Variants in ANKRD13D observed in about 807,000 individuals in gnomAD.
The protein encoded by ANKRD13D is ankyrin repeat domain 13D, also known as ankyrin repeat domain-containing protein 13D.
ANKRD13D carries 24 observed loss-of-function variants against 68.8 expected under a neutral mutation model. The observed-to-expected ratio is 0.35, with a 90% CI of 0.25 to 0.49. The LOEUF (loss-of-function observed/expected upper bound fraction) is 0.49, where lower values mean the gene tolerates loss of function less well. ANKRD13D is among the 20% of genes least tolerant of loss of function. The pLI is 0.99. For synonymous variants in ANKRD13D, 331 were observed against 336.1 expected (o/e 0.98, Z 0.16); for missense variants, 735 against 832.1 (o/e 0.88, Z 1.44).
In ANKRD13D at chr11:67,299,654, G is replaced by A. The variant is rs776731376; in HGVS notation, c.880+43G>A. ...TGCCTGCTGCCCGGTCACACCGTGT[G>A]GTGGGGTCACCCTGGCCTGGGATTA... On this transcript the variant is annotated intron_variant, in intron 8 of 14. Coordinates refer to ENST00000511455, the MANE Select transcript of ANKRD13D (RefSeq NM_207354.3). The surrounding 1 kb of genome is among the most constrained non-coding windows in gnomAD (Gnocchi z 6.2). 3.2e-6 allele frequency: 5 copies of A among 1,547,550 alleles called. No homozygotes were observed.
In ANKRD13D at chr11:67,302,453, A is replaced by C; in HGVS notation, c.*121A>C. 1 of 1,358,752 alleles carries C rather than the reference A, an allele frequency of 7.4e-7. No homozygotes were observed. Among genetic ancestry groups the C allele is most frequent in the African/African-American group, 1.5e-5 (1 of 67,948 alleles). The allele number at this position is 1,358,752 out of a possible 1,614,324, so 84.2% of individuals were successfully genotyped here. ...CCCCAGGAATGAGCAGGCAGGGGAGACTGAGATGGAAATAAAGAGACTGTC... is the reference window on the plus strand; with the variant it reads ...CCCCAGGAATGAGCAGGCAGGGGAGCCTGAGATGGAAATAAAGAGACTGTC... On this transcript the variant is annotated 3_prime_UTR_variant, in exon 15 of 15. Coordinates refer to ENST00000511455, the MANE Select transcript of ANKRD13D (RefSeq NM_207354.3).
chr11:67,300,216 CG>C lies in ANKRD13D; in HGVS notation c.1073+95del. On this transcript the variant is annotated intron_variant, in intron 10 of 14. Transcript: ENST00000511455. This position sits in a 1 kb window ranked among gnomAD's most constrained non-coding sequence, Gnocchi z 4.3. Reference sequence around the variant, plus strand: ...TGTCATAGTTAGGGACCCACTCCCTCGGCTGGCTTCTCTCTGGACTCCACTC... The same window carrying C: ...TGTCATAGTTAGGGACCCACTCCCTCGCTGGCTTCTCTCTGGACTCCACTC... 6.5e-7 allele frequency: 1 copy of C among 1,544,076 alleles called. No individual in the cohort carries two copies. Among genetic ancestry groups the C allele is most frequent in the Non-Finnish European group, 8.8e-7 (1 of 1,136,590 alleles).
At chr11:67,298,045 A>G (rs1590871540) in intron 6 of ANKRD13D, 1 of 127,968 alleles carries the variant, frequency 7.8e-6, no homozygotes. Flanking sequence ...TTTCAATTTT[A>G]TTGAGGTTTT....
In ANKRD13D at chr11:67,301,930, C is replaced by T; in HGVS notation, c.1604+107C>T. On this transcript the variant is annotated intron_variant, in intron 14 of 14. Coordinates refer to ENST00000511455, the MANE Select transcript of ANKRD13D (RefSeq NM_207354.3). The surrounding 1 kb of genome is among the most constrained non-coding windows in gnomAD (Gnocchi z 4.5). Reference sequence around the variant, plus strand: ...GACCCCAGGCCCTCTGCAAGGCCACCCTCTGTCAGCAGCGCTATCTGCCAC... The same window carrying T: ...GACCCCAGGCCCTCTGCAAGGCCACTCTCTGTCAGCAGCGCTATCTGCCAC... 1 of 1,367,030 alleles carries T rather than the reference C, an allele frequency of 7.3e-7. No individual in the cohort carries two copies. The allele number at this position is 1,367,030 out of a possible 1,614,324, so 84.7% of individuals were successfully genotyped here.
rs1361255103 is a variant in ANKRD13D at position 67,300,777 on chromosome 11, G to A, written c.1074-213G>A. The A allele has an allele frequency of 3.3e-6, 2 of 606,668 alleles. No homozygotes were observed. Among genetic ancestry groups the A allele is most frequent in the Non-Finnish European group, 5.7e-6 (2 of 348,672 alleles). 37.6% of individuals were successfully genotyped at this position (606,668 alleles called of 1,614,324 possible). On this transcript the variant is annotated intron_variant, in intron 10 of 14. Transcript: ENST00000511455. This position sits in a 1 kb window ranked among gnomAD's most constrained non-coding sequence, Gnocchi z 4.3. ...AGATGAGCTGGTACGAAATCCTCAG[G>A]AGCCCCAGCCTGGGCCCAGGGAGGA...
chr11:67,299,320 G>A lies in ANKRD13D; in HGVS notation c.798+196G>A, dbSNP rs1860882852. The stretch of plus-strand genomic sequence containing the variant: ...ATCATGGGCCCCTACCCAGGGTACC[G>A]AGATCAAAAGAGGAGTGTGTTCCTC... On this transcript the variant is annotated intron_variant, in intron 7 of 14. Coordinates refer to ENST00000511455, the MANE Select transcript of ANKRD13D (RefSeq NM_207354.3). This position sits in a 1 kb window ranked among gnomAD's most constrained non-coding sequence, Gnocchi z 6.2. 1 of 721,008 alleles carries A rather than the reference G, an allele frequency of 1.4e-6. No homozygotes were observed. The highest frequency in any genetic ancestry group is 1.8e-5 in the African/African-American group (1 of 56,348). 44.7% of individuals were successfully genotyped at this position (721,008 alleles called of 1,614,324 possible).
chr11:67,290,985 GACCACTGTAGTGCCCC>G (rs2136519344), intron 3 of ANKRD13D: 1 of 182,128 alleles, frequency 5.5e-6, no homozygotes, highest in South Asian at 1.1e-4. Context: ...ATTGTCTGAA[GACCACTGTAGTGCCCC>G]ACTTGGCCCA....
chr11:67,300,382 C>A lies in ANKRD13D; in HGVS notation c.1073+259C>A. The A allele has an allele frequency of 2.0e-6, 1 of 494,234 alleles. No individual in the cohort carries two copies. Among genetic ancestry groups the A allele is most frequent in the Non-Finnish European group, 3.6e-6 (1 of 280,782 alleles). 30.6% of individuals were successfully genotyped at this position (494,234 alleles called of 1,614,324 possible). On this transcript the variant is annotated intron_variant, in intron 10 of 14. Coordinates refer to ENST00000511455, the MANE Select transcript of ANKRD13D (RefSeq NM_207354.3). The surrounding 1 kb of genome is among the most constrained non-coding windows in gnomAD (Gnocchi z 4.3). Reference sequence around the variant, plus strand: ...GTTTTCTATTGAATTTCATGAGTACCTGCTGGGGCCAGCGTGGCACAGTGG... The same window carrying A: ...GTTTTCTATTGAATTTCATGAGTACATGCTGGGGCCAGCGTGGCACAGTGG...
chr11:67,292,740 CCA>C lies in ANKRD13D; in HGVS notation c.731+563_731+564del, dbSNP rs372393966. Reference sequence around the variant, plus strand: ...TATTTATTCAGAGATTTGTACATCACCACAGTCAATTTTAGAACATTTTTATC... The same window carrying C: ...TATTTATTCAGAGATTTGTACATCACCAGTCAATTTTAGAACATTTTTATC... On this transcript the variant is annotated intron_variant, in intron 6 of 14. Transcript: ENST00000511455. Among the ~76,000 whole-genome samples, 62 of 152,206 alleles carry C rather than the reference CCA, an allele frequency of 4.1e-4. No individual in the cohort carries two copies. In the East Asian group the frequency reaches 0.011, roughly 28 times the overall value.
At position 67,299,901 on chromosome 11, in the gene ANKRD13D, T is replaced by C; in HGVS notation, c.942+13T>C. The C allele has an allele frequency of 6.4e-7, 1 of 1,551,590 alleles. No individual in the cohort carries two copies. The highest frequency in any genetic ancestry group is 2.3e-5 in the East Asian group (1 of 44,230). On this transcript the variant is annotated intron_variant, in intron 9 of 14. Transcript: ENST00000511455. The surrounding 1 kb of genome is among the most constrained non-coding windows in gnomAD (Gnocchi z 6.2). ...CTCCCACACCGGGGTGAGCCGGGGC[T>C]GGGCCGAGACAGGGCTGGCGGGGGG...
chr11:67,300,198 G>C lies in ANKRD13D; in HGVS notation c.1073+75G>C. 1.9e-6 allele frequency: 3 copies of C among 1,587,462 alleles called. No individual in the cohort carries two copies. Among genetic ancestry groups the C allele is most frequent in the Non-Finnish European group, 1.7e-6 (2 of 1,164,160 alleles). ...CAGACCCCTCTCTGGGCCTGTCATAGTTAGGGACCCACTCCCTCGGCTGGC... is the reference window on the plus strand; with the variant it reads ...CAGACCCCTCTCTGGGCCTGTCATACTTAGGGACCCACTCCCTCGGCTGGC... On this transcript the variant is annotated intron_variant, in intron 10 of 14. Coordinates refer to ENST00000511455, the MANE Select transcript of ANKRD13D (RefSeq NM_207354.3). The surrounding 1 kb of genome is among the most constrained non-coding windows in gnomAD (Gnocchi z 4.3).
At chr11:67,290,623 G>T in intron 3 of ANKRD13D, 177 bp downstream of exon 3, 1 of 1,009,262 alleles carries the variant, frequency 9.9e-7, no homozygotes, top group Non-Finnish European at 1.4e-6. Flanking sequence ...GAGACGGCCA[G>T]GCTCACGTGG....
Position 67,300,847 on chromosome 11 carries a change from G to A in ANKRD13D, c.1074-143G>A. On this transcript the variant is annotated intron_variant, in intron 10 of 14. Coordinates refer to ENST00000511455, the MANE Select transcript of ANKRD13D (RefSeq NM_207354.3). The surrounding 1 kb of genome is among the most constrained non-coding windows in gnomAD (Gnocchi z 4.3). ...GCCAGGACACCAGCTCCCGGGGGAG[G>A]CGGGCAGCGGCATCTGAGCAGAGCA... The A allele has an allele frequency of 9.6e-7, 1 of 1,043,100 alleles. No homozygotes were observed. The highest frequency in any genetic ancestry group is 1.6e-5 in the African/African-American group (1 of 62,036). 64.6% of individuals were successfully genotyped at this position (1,043,100 alleles called of 1,614,324 possible). A position where few individuals can be genotyped will look rare whatever the true frequency, so the allele number is the denominator to read the frequency against.
At position 67,299,725 on chromosome 11, in the gene ANKRD13D, G is replaced by A. The variant is rs369430278; in HGVS notation, c.881-102G>A. Reference sequence around the variant, plus strand: ...TGAGCTGGGAGGCCTCCCCATTCCCGTCTGACCCCTCTTCCCCCAGACAGT... The same window carrying A: ...TGAGCTGGGAGGCCTCCCCATTCCCATCTGACCCCTCTTCCCCCAGACAGT... On this transcript the variant is annotated intron_variant, in intron 8 of 14. Transcript: ENST00000511455. The surrounding 1 kb of genome is among the most constrained non-coding windows in gnomAD (Gnocchi z 6.2). 104 of 1,532,760 alleles carry A rather than the reference G, an allele frequency of 6.8e-5. No homozygotes were observed. Among genetic ancestry groups the A allele is most frequent in the Middle Eastern group, 2.3e-4 (1 of 4,376 alleles). 94.9% of individuals were successfully genotyped at this position (1,532,760 alleles called of 1,614,324 possible).
rs1295733737 is a variant in ANKRD13D, at chr11:67,302,258, G to A, written c.1744G>A (p.Glu582Lys). ...GGAGTTGTCTTCACGGGAGCAGGAG[G>A]AGCGGGAGCGGCGCGGGCAGCAGGA... ...ALELSSREQE[E>K]RERRGQQEEE... The change falls in exon 15 of 15, where the codon GAG (glutamate) becomes AAG (lysine). Residue 582 changes from glutamate (E) to lysine (K), a missense_variant. Coordinates refer to ENST00000511455, the MANE Select transcript of ANKRD13D (RefSeq NM_207354.3). 10 of 1,571,592 alleles carry A rather than the reference G, an allele frequency of 6.4e-6. No homozygotes were observed. The highest frequency in any genetic ancestry group is 8.6e-6 in the Non-Finnish European group (10 of 1,157,970).
At position 67,300,649 on chromosome 11, in the gene ANKRD13D, C is replaced by T; in HGVS notation, c.1074-341C>T. 1 of 462,288 alleles carries T rather than the reference C, an allele frequency of 2.2e-6. No homozygotes were observed. Among genetic ancestry groups the T allele is most frequent in the Admixed American group, 3.8e-5 (1 of 26,108 alleles). 28.6% of individuals were successfully genotyped at this position (462,288 alleles called of 1,614,324 possible). ...TGTGCTGGACATAAAAGTTTGGCAA[C>T]ACGTGAGCTGGTGACCAGCTCTGGG... On this transcript the variant is annotated intron_variant, in intron 10 of 14. Transcript: ENST00000511455. The surrounding 1 kb of genome is among the most constrained non-coding windows in gnomAD (Gnocchi z 4.3).
At chr11:67,295,482 T>C (rs1277470368) in intron 6 of ANKRD13D, among the ~76,000 whole-genome samples, 1 of 151,476 alleles carries the variant, frequency 6.6e-6, no homozygotes, top group Non-Finnish European at 1.5e-5. Context: ...CCCAGAACTT[T>C]GGGAGGCTGA....
At chr11:67,289,681 C>A in intron 1 of ANKRD13D, 131 bp downstream of exon 1, 2 of 1,278,058 alleles carry the variant, frequency 1.6e-6, no homozygotes, top group Non-Finnish European at 2.1e-6. Context: ...TCCTCCCCTG[C>A]ACGATCCCAA....
At chr11:67,293,491 T>G (rs767268826) in intron 6 of ANKRD13D, among the ~76,000 whole-genome samples, 10 of 152,226 alleles carry the variant, frequency 6.6e-5, no homozygotes, top group Non-Finnish European at 1.0e-4. Context: ...TTACTCATTT[T>G]TTATTTAACT....
Sources: gnomAD v4.1 joint callset for allele counts (sites outside exome capture counted in the v4.1 genomes callset) on GRCh38, gnomAD v4.1.1 for gene constraint, Gnocchi (gnomAD v3.1) non-coding constraint, MANE v1.5 for transcripts, NCBI Gene and HGNC (gene_info 2026-07-23, HGNC 2026-07-21) for gene names.